The following IL1RAPL1 variants were observed in gnomAD, a reference collection of about 807,000 sequenced individuals.
IL1RAPL1 encodes the protein interleukin-1 receptor accessory protein-like 1.
Under a neutral mutation model 48.4 loss-of-function variants are expected in IL1RAPL1, and 3 were observed. That is an observed-to-expected ratio of 0.06 (90% CI 0.03 to 0.16). The LOEUF (loss-of-function observed/expected upper bound fraction) is 0.16, where lower values mean the gene tolerates loss of function less well. Among genes scored for constraint, IL1RAPL1 ranks in the 10% least tolerant of loss-of-function variants. The pLI is 1.00. For synonymous variants in IL1RAPL1, 185 were observed against 187.7 expected, an observed-to-expected ratio of 0.99 and a Z score of 0.12; for missense variants, 349 against 530.6, an observed-to-expected ratio of 0.66 and a Z score of 3.36.
At chrX:29,495,266 T>C (rs1484662740) in intron 5 of IL1RAPL1, among the ~76,000 whole-genome samples, 1 of 112,055 alleles carries the variant, frequency 8.9e-6, no homozygotes. Flanking sequence ...TTATGGAAGG[T>C]AAATGTTAAC....
At chrX:29,867,323 T>C (rs1013752840) in intron 6 of IL1RAPL1, among the ~76,000 whole-genome samples, 2 of 111,786 alleles carry the variant, frequency 1.8e-5, no homozygotes, top group Admixed American at 1.9e-4. Context: ...GAATTCCTAT[T>C]TTGAAAATCC....
chrX:29,060,411 A>T (rs1413380122), intron 2 of IL1RAPL1, among the ~76,000 whole-genome samples: 1 of 111,550 alleles, frequency 9.0e-6, no homozygotes, highest in Non-Finnish European at 1.9e-5. Flanking sequence ...CTTTCATTCT[A>T]TTTTTCTGAT....
rs371554983 is a variant in IL1RAPL1, at chrX:29,550,346, C to T, written c.704-118084C>T. On this transcript the variant is annotated intron_variant, in intron 5 of 10. Transcript: ENST00000378993. ...AGCTGGGACTACAGGCGCCCGCCAC[C>T]ACGCCCGGCTAATTCTTTTTTGTAT... Among the ~76,000 whole-genome samples the T allele has an allele frequency of 2.6e-3, 291 of 110,832 alleles. 2 individuals carry two copies. Among genetic ancestry groups the T allele is most frequent in the African/African-American group, 9.2e-3 (279 of 30,466 alleles).
intron 2 of IL1RAPL1, among the ~76,000 whole-genome samples, chrX:28,956,803 T>C (rs1465600394): frequency 3.5e-4 from 35 of 100,515 alleles, no homozygotes; most frequent in Admixed American, 6.6e-4. Flanking sequence ...GATTCCCTCT[T>C]TTTCTATTGA....
chrX:29,651,269 C>T (rs762968657), intron 5 of IL1RAPL1, among the ~76,000 whole-genome samples: 3 of 110,817 alleles, frequency 2.7e-5, no homozygotes, highest in East Asian at 5.6e-4. Context: ...TTCCACTCCT[C>T]GGTATATATC....
At chrX:29,094,115 C>T (rs111696547) in intron 2 of IL1RAPL1, among the ~76,000 whole-genome samples, 16 of 112,212 alleles carry the variant, frequency 1.4e-4, no homozygotes, top group African/African-American at 5.2e-4. Context: ...TGCACCTATA[C>T]TTTAGTCTGG....
intron 5 of IL1RAPL1, among the ~76,000 whole-genome samples, chrX:29,608,990 T>C (rs1924009557): frequency 8.9e-6 from 1 of 111,895 alleles, no homozygotes; most frequent in South Asian, 3.7e-4. Context: ...ATACACGCTA[T>C]AATTATCAAT....
chrX:28,963,327 T>C (rs1252383118), intron 2 of IL1RAPL1, among the ~76,000 whole-genome samples: 3 of 111,671 alleles, frequency 2.7e-5, no homozygotes, highest in Non-Finnish European at 5.6e-5. Flanking sequence ...TTTTTGGTTG[T>C]ATTTCATAAA....
rs773274148 is a variant in IL1RAPL1 at position 29,588,418 on chromosome X, T to C, written c.704-80012T>C. Among the ~76,000 whole-genome samples, 3 of 112,370 alleles carry C rather than the reference T, an allele frequency of 2.7e-5. No individual in the cohort carries two copies. The Admixed American group carries it at 2.8e-4, about 11-fold the overall frequency. On this transcript the variant is annotated intron_variant, in intron 5 of 10. Coordinates refer to ENST00000378993, the MANE Select transcript of IL1RAPL1 (RefSeq NM_014271.4). ...TGTAGTACCTCAAATTGATAGAAGCTATGAGTTATATGCAACTTAAACTTG... is the reference window on the plus strand; with the variant it reads ...TGTAGTACCTCAAATTGATAGAAGCCATGAGTTATATGCAACTTAAACTTG...
At chrX:29,462,420 C>T (rs1934813692) in intron 5 of IL1RAPL1, among the ~76,000 whole-genome samples, 1 of 111,450 alleles carries the variant, frequency 9.0e-6, no homozygotes, top group African/African-American at 3.3e-5. Context: ...TCTCACTGAA[C>T]CTATTTTCAT....
At chrX:29,409,453 CA>C (rs1394849819) in intron 5 of IL1RAPL1, among the ~76,000 whole-genome samples, 8 of 111,773 alleles carry the variant, frequency 7.2e-5, no homozygotes, top group African/African-American at 2.6e-4. Context: ...ATTCCTAAAA[CA>C]AAAGAGCTCT....
At chrX:29,463,341 G>A (rs761252849) in intron 5 of IL1RAPL1, among the ~76,000 whole-genome samples, 14 of 111,720 alleles carry the variant, frequency 1.3e-4, no homozygotes, top group Non-Finnish European at 2.1e-4. Flanking sequence ...AATGACTTTC[G>A]AAAGTGGTAT....
chrX:29,554,727 T>C (rs1028652486), intron 5 of IL1RAPL1, among the ~76,000 whole-genome samples: 2 of 111,507 alleles, frequency 1.8e-5, no homozygotes, highest in East Asian at 2.8e-4. Flanking sequence ...CCCTCTAATA[T>C]ACAGTTGATC....
chrX:29,478,111 T>G (rs1241635258), intron 5 of IL1RAPL1, among the ~76,000 whole-genome samples: 2 of 112,152 alleles, frequency 1.8e-5, no homozygotes, highest in Non-Finnish European at 3.8e-5. Context: ...ACTTTGTTAG[T>G]ATTACCTACT....
chrX:28,787,543 C>T (rs892984050), intron 1 of IL1RAPL1, among the ~76,000 whole-genome samples: 2 of 111,458 alleles, frequency 1.8e-5, no homozygotes, highest in Admixed American at 9.5e-5. Context: ...AGATTGTCAT[C>T]CCTTAAAGGT....
At chrX:28,646,924 T>C (rs1247080625) in intron 1 of IL1RAPL1, among the ~76,000 whole-genome samples, 2 of 112,285 alleles carry the variant, frequency 1.8e-5, no homozygotes, top group Non-Finnish European at 3.8e-5. Flanking sequence ...TTTCCCTTAG[T>C]TCCCCAGTAG....
At chrX:29,557,026 A>T (rs1922025226) in intron 5 of IL1RAPL1, among the ~76,000 whole-genome samples, 1 of 112,017 alleles carries the variant, frequency 8.9e-6, no homozygotes, top group Admixed American at 9.5e-5. Flanking sequence ...ATTCATCATC[A>T]TCCTAAAAAT....
At chrX:28,799,861 T>C (rs1288424370) in intron 2 of IL1RAPL1, among the ~76,000 whole-genome samples, 1 of 111,451 alleles carries the variant, frequency 9.0e-6, no homozygotes, top group Non-Finnish European at 1.9e-5. Flanking sequence ...ATGGCAATTT[T>C]TGCGGGGAGA....
At chrX:29,047,008 G>T (rs149065925) in intron 2 of IL1RAPL1, among the ~76,000 whole-genome samples, 3 of 112,241 alleles carry the variant, frequency 2.7e-5, no homozygotes, top group African/African-American at 9.7e-5. Flanking sequence ...CTGGATGGAA[G>T]GTTCTGGAAT....
Sources: gnomAD v4.1 joint callset for allele counts (sites outside exome capture counted in the v4.1 genomes callset) on GRCh38, gnomAD v4.1.1 for gene constraint, MANE v1.5 for transcripts, NCBI Gene and HGNC (gene_info 2026-07-23, HGNC 2026-07-21) for gene names.